Variants in KLHL29 observed in about 807,000 individuals in gnomAD.
The protein encoded by KLHL29 is kelch-like protein 29.
KLHL29 carries 21 observed loss-of-function variants against 80.4 expected under a neutral mutation model. The observed-to-expected ratio is 0.26, with a 90% CI of 0.19 to 0.38. The LOEUF (loss-of-function observed/expected upper bound fraction) is 0.38, where lower values mean the gene tolerates loss of function less well. Among genes scored for constraint, KLHL29 ranks in the 10% least tolerant of loss-of-function variants. KLHL29 has a pLI of 1.00. For synonymous variants in KLHL29, 511 were observed against 526.8 expected (o/e 0.97, Z 0.41); for missense variants, 867 against 1,223.9 (o/e 0.71, Z 4.35).
chr2:23,489,460 T>C (rs949759125), intron 2 of KLHL29, among the ~76,000 whole-genome samples: 4 of 152,104 alleles, frequency 2.6e-5, no homozygotes, highest in Non-Finnish European at 4.4e-5. Flanking sequence ...TCCCTTGTTT[T>C]GTTTTGAGTG....
intron 2 of KLHL29, among the ~76,000 whole-genome samples, chr2:23,499,582 G>C (rs1252167353): frequency 6.6e-6 from 1 of 152,184 alleles, no homozygotes; most frequent in African/African-American, 2.4e-5. Flanking sequence ...TCTCAGAGTT[G>C]GGCAATGAGG....
intron 1 of KLHL29, among the ~76,000 whole-genome samples, chr2:23,392,866 T>C (rs1666353291): frequency 6.6e-6 from 1 of 152,216 alleles, no homozygotes; most frequent in Non-Finnish European, 1.5e-5. Flanking sequence ...GTAAAATCAA[T>C]CTAGTAGAAG....
Position 23,703,369 on chromosome 2 carries a change from C to T in KLHL29, c.2289C>T (p.Ser763=), listed in dbSNP as rs1235438903. 6 of 1,502,838 alleles carry T rather than the reference C, an allele frequency of 4.0e-6. No homozygotes were observed. The highest frequency in any genetic ancestry group is 2.8e-5 in the African/African-American group (2 of 71,696). The allele number at this position is 1,502,838 out of a possible 1,614,324, so 93.1% of individuals were successfully genotyped here. ...CCAACACGTGGAGCTTCATCGAGTCCCCAATGATTGGTGAGAACCAGCGGT... is the reference window on the plus strand; with the variant it reads ...CCAACACGTGGAGCTTCATCGAGTCTCCAATGATTGGTGAGAACCAGCGGT... ...PQTNTWSFIE[S]PMIDNKYAPA... is the part of the protein sequence containing the mutation. Residue 763 remains serine, a synonymous_variant, in exon 12 of 14, where the codon TCC becomes TCT. Transcript: ENST00000486442.
intron 2 of KLHL29, among the ~76,000 whole-genome samples, chr2:23,509,567 A>G (rs555689263): frequency 1.2e-4 from 18 of 152,202 alleles, no homozygotes; most frequent in Non-Finnish European, 2.4e-4. Context: ...AAATGAAAAA[A>G]AAATGAATTA....
At position 23,687,578 on chromosome 2, in the gene KLHL29, C is replaced by T. The variant is rs908533383; in HGVS notation, c.1079+3041C>T. On this transcript the variant is annotated intron_variant, in intron 6 of 13. Coordinates refer to ENST00000486442, the MANE Select transcript of KLHL29 (RefSeq NM_052920.2). Reference sequence around the variant, plus strand: ...CTGAGCCCACAGTCTGGTGGGGACACGCTGCAGACAGGCAAGGAGACGAGC... The same window carrying T: ...CTGAGCCCACAGTCTGGTGGGGACATGCTGCAGACAGGCAAGGAGACGAGC... Among the ~76,000 whole-genome samples, 10 of 152,322 alleles carry T rather than the reference C, an allele frequency of 6.6e-5. No individual in the cohort carries two copies. In the East Asian group the frequency reaches 1.5e-3, roughly 24 times the overall value.
chr2:23,416,402 A>T (rs370662039), intron 1 of KLHL29, among the ~76,000 whole-genome samples: 2 of 152,286 alleles, frequency 1.3e-5, no homozygotes, highest in South Asian at 4.1e-4. Flanking sequence ...CTGCAGGTCC[A>T]TGCCTCAGTT....
At chr2:23,644,819 G>A (rs1018271447) in intron 5 of KLHL29, among the ~76,000 whole-genome samples, 1 of 152,234 alleles carries the variant, frequency 6.6e-6, no homozygotes, top group Admixed American at 6.5e-5. Flanking sequence ...GCCCCACTGG[G>A]CAGACCGAGG....
At chr2:23,541,778 A>C (rs568507235) in intron 2 of KLHL29, among the ~76,000 whole-genome samples, 18 of 152,058 alleles carry the variant, frequency 1.2e-4, no homozygotes, top group East Asian at 3.9e-4. Context: ...AAAACAAAAA[A>C]AAAAAAACCA....
At chr2:23,619,468 G>A (rs1380884674) in intron 3 of KLHL29, among the ~76,000 whole-genome samples, 1 of 152,162 alleles carries the variant, frequency 6.6e-6, no homozygotes, top group Non-Finnish European at 1.5e-5. Context: ...GACTCCTTTT[G>A]AAATCTGAGC....
chr2:23,702,010 A>G (rs1467560550), intron 11 of KLHL29, among the ~76,000 whole-genome samples: 2 of 148,362 alleles, frequency 1.3e-5, no homozygotes, highest in African/African-American at 5.0e-5. Flanking sequence ...TTTAGTAGAG[A>G]CGGGGTTTCT....
intron 1 of KLHL29, among the ~76,000 whole-genome samples, chr2:23,468,870 G>T (rs918321215): frequency 1.3e-5 from 2 of 152,200 alleles, no homozygotes; most frequent in African/African-American, 2.4e-5. Flanking sequence ...CTCTCTCTGG[G>T]CTCTGCTTAC....
At chr2:23,688,703 AC>A in intron 6 of KLHL29, 1 of 147,710 alleles carries the variant, frequency 6.8e-6, no homozygotes, top group Non-Finnish European at 1.5e-5. Flanking sequence ...TCTATACCCC[AC>A]CCCCCTGCGT....
At chr2:23,534,585 C>T (rs1330060829) in intron 2 of KLHL29, among the ~76,000 whole-genome samples, 7 of 151,994 alleles carry the variant, frequency 4.6e-5, no homozygotes, top group Non-Finnish European at 7.4e-5. Context: ...CCCAAGTTCC[C>T]GTCTTCCTTC....
intron 2 of KLHL29, among the ~76,000 whole-genome samples, chr2:23,532,959 G>A (rs1666543753): frequency 6.6e-6 from 1 of 152,132 alleles, no homozygotes; most frequent in Non-Finnish European, 1.5e-5. Context: ...AAAGCCTGGG[G>A]GCCGAGGGGA....
intron 5 of KLHL29, among the ~76,000 whole-genome samples, chr2:23,653,334 G>A (rs1245359968): frequency 6.6e-6 from 1 of 152,208 alleles, no homozygotes; most frequent in African/African-American, 2.4e-5. Context: ...TTGCTGCTAG[G>A]AGTTGTCCAT....
intron 1 of KLHL29, among the ~76,000 whole-genome samples, chr2:23,411,429 A>G (rs2723111): frequency 0.8 from 115,191 of 144,246 alleles, 46,120 homozygotes; most frequent in African/African-American, 0.89. Context: ...GTGTGTGGTC[A>G]AGGTAGGATG....
chr2:23,488,640 A>G (rs1239579845), intron 2 of KLHL29, among the ~76,000 whole-genome samples: 1 of 152,252 alleles, frequency 6.6e-6, no homozygotes. Context: ...GAAGAATTGC[A>G]GGAGACTTAA....
intron 3 of KLHL29, among the ~76,000 whole-genome samples, chr2:23,597,680 C>T (rs1231789340): frequency 2.0e-5 from 3 of 151,976 alleles, no homozygotes; most frequent in Non-Finnish European, 4.4e-5. Flanking sequence ...CCGCCTTGGC[C>T]TCCCAAAGTG....
At position 23,700,664 on chromosome 2, in the gene KLHL29, C is replaced by T. The variant is rs1295317980; in HGVS notation, c.2106-2522C>T. ...CTCAGCTCCGGATTCTTTTCTAGGTCCTACCTTCTGTGCCTCTTCACAGCT... is the reference window on the plus strand; with the variant it reads ...CTCAGCTCCGGATTCTTTTCTAGGTTCTACCTTCTGTGCCTCTTCACAGCT... On this transcript the variant is annotated intron_variant, in intron 11 of 13. Coordinates refer to ENST00000486442, the MANE Select transcript of KLHL29 (RefSeq NM_052920.2). This position sits in a 1 kb window ranked among gnomAD's most constrained non-coding sequence, Gnocchi z 4.6. 6.6e-6 allele frequency among the ~76,000 whole-genome samples: 1 copy of T among 152,164 alleles called. No homozygotes were observed. The highest frequency in any genetic ancestry group is 2.4e-5 in the African/African-American group (1 of 41,418).
Sources: gnomAD v4.1 joint callset for allele counts (sites outside exome capture counted in the v4.1 genomes callset) on GRCh38, gnomAD v4.1.1 for gene constraint, Gnocchi (gnomAD v3.1) non-coding constraint, MANE v1.5 for transcripts, NCBI Gene and HGNC (gene_info 2026-07-23, HGNC 2026-07-21) for gene names.